The following ACACB variants were observed in gnomAD, a reference collection of about 807,000 sequenced individuals.
The protein encoded by ACACB is acetyl-CoA carboxylase beta, also known as acetyl-CoA carboxylase 2.
Under a neutral mutation model 278.8 loss-of-function variants are expected in ACACB, and 209 were observed. The observed-to-expected ratio is 0.75, with a 90% CI of 0.67 to 0.84. The LOEUF (loss-of-function observed/expected upper bound fraction) is 0.84. ACACB is among the 40% of genes least tolerant of loss of function. The pLI is 0.00. For missense variants in ACACB, 2,850 were observed against 3,269.0 expected, an observed-to-expected ratio of 0.87 and a Z score of 3.13; for synonymous variants, 1,174 against 1,285.6, an observed-to-expected ratio of 0.91 and a Z score of 1.86.
chr12:109,159,504 G>T (rs1348983991), intron 2 of ACACB, among the ~76,000 whole-genome samples: 1 of 152,190 alleles, frequency 6.6e-6, no homozygotes, highest in Non-Finnish European at 1.5e-5. Context: ...CATCATGTGA[G>T]GAAACTGAGG....
At chr12:109,144,425 C>T (rs1437587882) in intron 2 of ACACB, among the ~76,000 whole-genome samples, 3 of 152,120 alleles carry the variant, frequency 2.0e-5, no homozygotes, top group Non-Finnish European at 2.9e-5. Flanking sequence ...TTGCTGGTTA[C>T]CCATTGACTC....
At chr12:109,244,459 A>G (rs2046886293) in intron 37 of ACACB, among the ~76,000 whole-genome samples, 1 of 152,190 alleles carries the variant, frequency 6.6e-6, no homozygotes, top group Non-Finnish European at 1.5e-5. Context: ...GGCGCTTAAT[A>G]AGTGGAAACT....
chr12:109,202,455 A>G (rs1296236267), intron 19 of ACACB, among the ~76,000 whole-genome samples: 3 of 152,000 alleles, frequency 2.0e-5, no homozygotes, highest in Non-Finnish European at 4.4e-5. Flanking sequence ...GCTGGGGATT[A>G]TAGGTGTGTA....
chr12:109,195,866 T>C (rs1266142460), intron 16 of ACACB, among the ~76,000 whole-genome samples: 1 of 152,198 alleles, frequency 6.6e-6, no homozygotes, highest in Admixed American at 6.6e-5. Flanking sequence ...GTGGCCAGTG[T>C]GACTGAGGAA....
intron 1 of ACACB, among the ~76,000 whole-genome samples, chr12:109,132,213 G>T (rs1445391764): frequency 1.3e-5 from 2 of 151,618 alleles, no homozygotes; most frequent in Non-Finnish European, 2.9e-5. Context: ...CACCCAGGCT[G>T]GAGTGCAGTG....
chr12:109,205,929 C>T (rs2045492892), intron 19 of ACACB, among the ~76,000 whole-genome samples: 1 of 152,124 alleles, frequency 6.6e-6, no homozygotes, highest in Admixed American at 6.5e-5. Flanking sequence ...CGAATGAGCA[C>T]ATTTAGTCTG....
At position 109,209,249 on chromosome 12, in the gene ACACB, G is replaced by A. The variant is rs553109112; in HGVS notation, c.3145G>A (p.Val1049Met). The change falls in exon 21 of 53, where the codon GTG becomes ATG. Residue 1049 changes from valine (V) to methionine (M), a missense_variant. Physicochemically the swap from Val to Met is conservative, Grantham distance 21. This residue lies in a region of ACACB where 2,265 missense variants were observed against 2,561.3 expected (regional missense o/e 0.88). Transcript: ENST00000338432. ...LLELQEIMTS[V>M]AGRIPAPVEK... The stretch of plus-strand genomic sequence containing the variant: ...GGAGCTGCAGGAGATCATGACCAGC[G>A]TGGCAGGCCGCATCCCCGCCCCTGT... The A allele has an allele frequency of 7.4e-6, 12 of 1,611,322 alleles. No homozygotes were observed. The highest frequency in any genetic ancestry group is 5.0e-5 in the Admixed American group (3 of 59,746).
Position 109,227,472 on chromosome 12 carries a change from G to A in ACACB, c.3984G>A (p.Pro1328=), listed in dbSNP as rs202082412. 34 of 1,613,960 alleles carry A rather than the reference G, an allele frequency of 2.1e-5. No individual in the cohort carries two copies. Among genetic ancestry groups the A allele is most frequent in the African/African-American group, 2.7e-5 (2 of 75,038 alleles). The change falls in exon 28 of 53, where the codon CCG becomes CCA. Residue 1328 remains proline (P), a synonymous_variant. Coordinates refer to ENST00000338432, the MANE Select transcript of ACACB (RefSeq NM_001093.4). The stretch of plus-strand genomic sequence containing the variant: ...TGGTAGAATTCCAGTTCATGCTGCC[G>A]TCCTCCCACCCAAACCGGTATGGAG... The part of the protein sequence containing the change: ...TCVVEFQFML[P]SSHPNRMTVP...
At chr12:109,175,005 A>G (rs1211548739) in intron 7 of ACACB, among the ~76,000 whole-genome samples, 4 of 152,208 alleles carry the variant, frequency 2.6e-5, no homozygotes, top group Non-Finnish European at 5.9e-5. Context: ...GATGTATCAT[A>G]ATTTACTTAA....
At position 109,268,051 on chromosome 12, in the gene ACACB, G is replaced by A. The variant is rs533369634; in HGVS notation, c.*1689G>A. ...GGTGAATGATTCATTATTCCACCCC[G>A]AGGTTTGCTGGGGTGAGGGGAAGAA... On this transcript the variant is annotated 3_prime_UTR_variant, in exon 53 of 53. Transcript: ENST00000338432. This position sits in a 1 kb window ranked among gnomAD's most constrained non-coding sequence, Gnocchi z 4.2. The A allele has an allele frequency of 3.9e-5, 6 of 152,262 alleles. No individual in the cohort carries two copies. In the East Asian group the frequency reaches 9.7e-4, roughly 25 times the overall value. 9.4% of individuals were successfully genotyped at this position (152,262 alleles called of 1,614,324 possible).
chr12:109,246,058 C>A lies in ACACB; in HGVS notation c.5302-121C>A, dbSNP rs968072653. On this transcript the variant is annotated intron_variant, in intron 38 of 52. Coordinates refer to ENST00000338432, the MANE Select transcript of ACACB (RefSeq NM_001093.4). ...TGAGCTGTGATTGCACCACTGCACT[C>A]TGGCCTGCGCAACAGAGCAAGACCC... 1.7e-5 allele frequency: 20 copies of A among 1,211,504 alleles called. No homozygotes were observed. The African/African-American group carries it at 2.6e-4, about 16-fold the overall frequency. 75.0% of individuals were successfully genotyped at this position (1,211,504 alleles called of 1,614,324 possible).
rs758097574 is a variant in ACACB, at chr12:109,167,879, C to A, written c.787-17C>A. On this transcript the variant is annotated splice_polypyrimidine_tract_variant and intron_variant, in intron 3 of 52. Coordinates refer to ENST00000338432, the MANE Select transcript of ACACB (RefSeq NM_001093.4). The stretch of plus-strand genomic sequence containing the variant: ...GTAGATGTGCATCTACAGCTCCTTC[C>A]TTGTCTTCCCATGCAGGTGCTTATT... The A allele has an allele frequency of 6.2e-7, 1 of 1,613,892 alleles. No individual in the cohort carries two copies. Among genetic ancestry groups the A allele is most frequent in the Non-Finnish European group, 8.5e-7 (1 of 1,179,944 alleles).
chr12:109,201,052 G>A (rs942251863), intron 18 of ACACB, among the ~76,000 whole-genome samples: 3 of 152,184 alleles, frequency 2.0e-5, no homozygotes, highest in East Asian at 1.9e-4. Flanking sequence ...CTGGCTCTGC[G>A]GCCGCCACCA....
Position 109,227,033 on chromosome 12 carries a change from C to T in ACACB, c.3883-338C>T, listed in dbSNP as rs138686394. ...TGGTGCTATCATAGCTCATTGCAGC[C>T]TCAACATCCTGTGCTCAAGCAATCC... On this transcript the variant is annotated intron_variant, in intron 27 of 52. Coordinates refer to ENST00000338432, the MANE Select transcript of ACACB (RefSeq NM_001093.4). 2.7e-4 allele frequency among the ~76,000 whole-genome samples: 41 copies of T among 152,116 alleles called. 1 individual carries two copies. Among genetic ancestry groups the T allele is most frequent in the African/African-American group, 9.2e-4 (38 of 41,490 alleles).
At chr12:109,111,556 CTTTT>C in the ACACB span, 4 of 143,436 alleles carry the variant, frequency 2.8e-5, no homozygotes, top group Non-Finnish European at 6.1e-5. Context: ...TTCTTTCTTT[CTTTT>C]TCTTTTTTTT....
intron 1 of ACACB, among the ~76,000 whole-genome samples, chr12:109,138,600 C>T (rs775500114): frequency 2.6e-5 from 4 of 151,596 alleles, no homozygotes; most frequent in Non-Finnish European, 5.9e-5. Flanking sequence ...TTTGGCTGGG[C>T]GCGGTGGGTC....
At chr12:109,176,394 C>T (rs754256342) in intron 9 of ACACB, 131 bp downstream of exon 9, 22 of 832,552 alleles carry the variant, frequency 2.6e-5, no homozygotes, top group South Asian at 1.1e-4. Context: ...ATCGTTGTAT[C>T]GTATTTTGCA....
chr12:109,210,451 A>ATGTGTATATATACATG (rs2045789756), intron 21 of ACACB, among the ~76,000 whole-genome samples: 1 of 126,486 alleles, frequency 7.9e-6, no homozygotes, highest in Non-Finnish European at 1.6e-5. Context: ...ACATGTGTAT[A>ATGTGTATATATACATG]TATGTATATA....
Position 109,116,633 on chromosome 12 carries a change from G to C in ACACB, c.-81G>C, listed in dbSNP as rs1359749505. On this transcript the variant is annotated 5_prime_UTR_variant, in exon 1 of 53. Coordinates refer to ENST00000338432, the MANE Select transcript of ACACB (RefSeq NM_001093.4). ...TAGATTCAGGCCCTCAGCAAACAAG[G>C]AACCTGGAAAATGTAACCCTGAATG... 2.0e-5 allele frequency: 3 copies of C among 152,186 alleles called. No individual in the cohort carries two copies. The highest frequency in any genetic ancestry group is 7.2e-5 in the African/African-American group (3 of 41,446). 9.4% of individuals were successfully genotyped at this position (152,186 alleles called of 1,614,324 possible). A position where few individuals can be genotyped will look rare whatever the true frequency, so the allele number is the denominator to read the frequency against.
Sources: gnomAD v4.1 joint callset for allele counts (sites outside exome capture counted in the v4.1 genomes callset) on GRCh38, gnomAD v4.1.1 for gene constraint, gnomAD v4.1.1 regional missense constraint, Gnocchi (gnomAD v3.1) non-coding constraint, MANE v1.5 for transcripts, NCBI Gene and HGNC (gene_info 2026-07-23, HGNC 2026-07-21) for gene names.